GATB: variants seen among roughly 807,000 people sequenced by gnomAD.
The protein encoded by GATB is glutamyl-tRNA(Gln) amidotransferase subunit B, mitochondrial.
A neutral mutation model predicts 62.3 loss-of-function variants in GATB; 39 were observed. The ratio of observed to expected loss-of-function variants is 0.63; its 90% CI spans 0.48 to 0.82. GATB has a LOEUF of 0.82. Among genes scored for constraint, GATB ranks in the 40% least tolerant of loss-of-function variants. The pLI, the probability that GATB is intolerant of heterozygous loss-of-function variation, is 0.00. For missense variants in GATB, 670 were observed against 684.0 expected (o/e 0.98, Z 0.23); for synonymous variants, 276 against 258.9 (o/e 1.07, Z -0.63).
intron 2 of GATB, among the ~76,000 whole-genome samples, chr4:151,740,610 T>C (rs980502696): frequency 6.6e-6 from 1 of 152,212 alleles, no homozygotes; most frequent in African/African-American, 2.4e-5. Context: ...ATGCAGTACA[T>C]GATGTACTCA....
At chr4:151,733,819 C>T (rs1739316378) in intron 2 of GATB, among the ~76,000 whole-genome samples, 1 of 152,140 alleles carries the variant, frequency 6.6e-6, no homozygotes, top group African/African-American at 2.4e-5. Context: ...AAATGGGATA[C>T]ACCACATAAA....
chr4:151,705,084 C>A, intron 7 of GATB, 101 bp downstream of exon 7: 1 of 745,076 alleles, frequency 1.3e-6, no homozygotes, highest in Non-Finnish European at 2.4e-6. Context: ...AGTGGAGACG[C>A]TACGTGCCTC....
At chr4:151,732,004 A>G (rs1243872882) in intron 2 of GATB, among the ~76,000 whole-genome samples, 3 of 128,636 alleles carry the variant, frequency 2.3e-5, no homozygotes, top group Non-Finnish European at 3.2e-5. Flanking sequence ...TCCGGGAGGG[A>G]GGTGGGGGGT....
At chr4:151,728,390 C>T (rs1013782569) in intron 2 of GATB, among the ~76,000 whole-genome samples, 6 of 152,158 alleles carry the variant, frequency 3.9e-5, no homozygotes, top group Admixed American at 2.0e-4. Context: ...CATGTAAAAA[C>T]ACAAAACCAA....
chr4:151,710,480 C>T (rs2126974230), intron 5 of GATB, among the ~76,000 whole-genome samples: 1 of 152,318 alleles, frequency 6.6e-6, no homozygotes, highest in South Asian at 2.1e-4. Context: ...TACACTGTCT[C>T]CGCTGTTTCA....
At chr4:151,728,745 G>C (rs545549333) in intron 2 of GATB, among the ~76,000 whole-genome samples, 31 of 152,268 alleles carry the variant, frequency 2.0e-4, no homozygotes, top group African/African-American at 7.2e-4. Flanking sequence ...TGACTGAAAA[G>C]CTCTAATAAT....
chr4:151,682,468 A>G (rs1738159731), intron 10 of GATB, among the ~76,000 whole-genome samples: 1 of 152,198 alleles, frequency 6.6e-6, no homozygotes, highest in Admixed American at 6.5e-5. Flanking sequence ...GTTTCTGGAT[A>G]GTGAATGCGT....
chr4:151,758,819 T>C lies in GATB; in HGVS notation c.280A>G (p.Asn94Asp), dbSNP rs755756834. ...GSQVRFSAPP[N>D]SLVSFFDASL... is the part of the protein sequence containing the mutation. ...GCATCAAAAAAAGAAACCAAAGAAT[T>C]TGGAGGTGCTGAAAAGCGAACTTGA... The change falls in exon 2 of 13, where the codon AAT becomes GAT. Residue 94 changes from asparagine to aspartate, a missense_variant. Coordinates refer to ENST00000263985, the MANE Select transcript of GATB (RefSeq NM_004564.3). 6.2e-6 allele frequency: 10 copies of C among 1,609,430 alleles called. No individual in the cohort carries two copies. The highest frequency in any genetic ancestry group is 7.6e-6 in the Non-Finnish European group (9 of 1,177,782).
chr4:151,699,197 G>A (rs990512428), intron 9 of GATB, among the ~76,000 whole-genome samples: 3 of 152,050 alleles, frequency 2.0e-5, no homozygotes, highest in Admixed American at 2.0e-4. Flanking sequence ...CAACCAGCCT[G>A]GCCAACATGG....
At chr4:151,741,054 T>C (rs1431300714) in intron 2 of GATB, among the ~76,000 whole-genome samples, 1 of 152,078 alleles carries the variant, frequency 6.6e-6, no homozygotes, top group African/African-American at 2.4e-5. Flanking sequence ...TGCCCCCTTA[T>C]CCATGAGGGA....
intron 8 of GATB, 48 bp downstream of exon 8, chr4:151,703,803 G>T: frequency 2.4e-6 from 3 of 1,259,362 alleles, no homozygotes; most frequent in South Asian, 1.2e-5. Context: ...CTTGAAATAC[G>T]CCCCAGCCCC....
chr4:151,749,637 T>TTATA (rs1553970322), intron 2 of GATB, among the ~76,000 whole-genome samples: 1 of 150,446 alleles, frequency 6.6e-6, no homozygotes, highest in East Asian at 1.9e-4. Context: ...TCAAGTATAA[T>TTATA]TATATATATA....
At chr4:151,677,468 A>G (rs562587509) in intron 11 of GATB, 1 of 120,604 alleles carries the variant, frequency 8.3e-6, no homozygotes, top group East Asian at 2.4e-4. Flanking sequence ...TTTAGAATAC[A>G]GTCTGGCACT....
rs1399833902 is a variant in GATB, at chr4:151,758,888, T to C, written c.211A>G (p.Ile71Val). 6.2e-7 allele frequency: 1 copy of C among 1,611,248 alleles called. No homozygotes were observed. The highest frequency in any genetic ancestry group is 1.3e-5 in the African/African-American group (1 of 74,858). Residue 71 changes from isoleucine (I) to valine (V), a missense_variant, in exon 2 of 13, where the codon ATT becomes GTT. Physicochemically the swap from Ile to Val is conservative, Grantham distance 29 (BLOSUM62 3). Transcript: ENST00000263985. Reference protein sequence around the residue: ...HKWAAVVGLEIHAQISSNSKL... With the variant: ...HKWAAVVGLEVHAQISSNSKL... ...GAGTTGGAGGAAATCTGGGCATGAA[T>C]TTCCAAACCTACCACAGCAGCCCAT...
chr4:151,733,689 G>C (rs1421725120), intron 2 of GATB, among the ~76,000 whole-genome samples: 2 of 152,124 alleles, frequency 1.3e-5, no homozygotes, highest in African/African-American at 4.8e-5. Flanking sequence ...AATGATAGAT[G>C]CTAAAATCCT....
At chr4:151,709,819 CACAG>C (rs1236424444) in intron 5 of GATB, among the ~76,000 whole-genome samples, 2 of 152,156 alleles carry the variant, frequency 1.3e-5, no homozygotes, top group Non-Finnish European at 2.9e-5. Flanking sequence ...TACTCAACAG[CACAG>C]ACAGCTCCTA....
At chr4:151,732,021 C>G (rs1277309880) in intron 2 of GATB, among the ~76,000 whole-genome samples, 2 of 135,112 alleles carry the variant, frequency 1.5e-5, no homozygotes, top group Non-Finnish European at 3.1e-5. Flanking sequence ...GGGTCAGCCC[C>G]CGCCCGGCCA....
chr4:151,701,282 C>A (rs749242662), intron 9 of GATB, 47 bp downstream of exon 9: 6 of 1,447,560 alleles, frequency 4.1e-6, no homozygotes, highest in Non-Finnish European at 5.5e-6. Context: ...AAGGGCACTG[C>A]CCCATCTGCT....
chr4:151,722,334 T>C (rs1481793880), intron 2 of GATB: 3 of 639,112 alleles, frequency 4.7e-6, no homozygotes, highest in Admixed American at 5.3e-5. Flanking sequence ...TGCCAGCATC[T>C]GCAAACCCTT....
Sources: allele counts gnomAD v4.1 joint callset (sites outside exome capture counted in the v4.1 genomes callset), GRCh38; gene constraint gnomAD v4.1.1; transcripts MANE v1.5; gene names NCBI Gene and HGNC (gene_info 2026-07-23, HGNC 2026-07-21).